Variants in TRPM2 observed in about 807,000 individuals in gnomAD.
The protein encoded by TRPM2 is transient receptor potential cation channel subfamily M member 2, also known as estrogen-responsive element-associated gene 1 protein.
In TRPM2, 161 loss-of-function variants were observed where a neutral mutation model predicts 174.0. The ratio of observed to expected loss-of-function variants is 0.93; its 90% CI spans 0.81 to 1.05. The LOEUF (loss-of-function observed/expected upper bound fraction) is 1.05, where lower values mean the gene tolerates loss of function less well. Ranked by LOEUF, TRPM2 falls within the 50% of genes least tolerant of loss-of-function variation. The probability of loss-of-function intolerance (pLI) is 0.00; values close to 1 mark genes in which losing one functional copy is unlikely to be tolerated. For synonymous variants in TRPM2, 954 were observed against 861.3 expected (o/e 1.11, Z -1.88); for missense variants, 2,057 against 2,038.0 (o/e 1.01, Z -0.18).
At chr21:44,419,945 CTGGTGGTGGTGACGATGGTGGATG>C (rs2050491747) in intron 22 of TRPM2, among the ~76,000 whole-genome samples, 1 of 135,656 alleles carries the variant, frequency 7.4e-6, no homozygotes, top group South Asian at 2.4e-4. Context: ...GGTGCTGGTG[CTGGTGGTGGTGACGATGGTGGATG>C]TGGTGGTGGT....
intron 4 of TRPM2, 106 bp from the exon 5 acceptor site, chr21:44,369,071 T>C (rs376871237): frequency 7.3e-6 from 9 of 1,231,162 alleles, no homozygotes; most frequent in East Asian, 2.6e-5. Flanking sequence ...CTCTGCGTTG[T>C]TGGGGGCGGG....
rs930156470 is a variant in TRPM2, at chr21:44,366,854, G to A, written c.524G>A (p.Gly175Glu). Residue 175 changes from glycine (G) to glutamate (E), a missense_variant, in exon 4 of 32, where the codon GGG becomes GAG. Coordinates refer to ENST00000397928, the MANE Select transcript of TRPM2 (RefSeq NM_003307.4). The surrounding 1 kb of genome is among the most constrained non-coding windows in gnomAD (Gnocchi z 6.0). Reference protein sequence around the residue: ...DVPNLLISVTGGAKNFNMKPR... With the variant: ...DVPNLLISVTEGAKNFNMKPR... ...CCCAATCTCTTGATCTCGGTGACCG[G>A]GGGGGCCAAGAACTTCAACATGAAG... The A allele has an allele frequency of 5.6e-6, 9 of 1,613,718 alleles. No homozygotes were observed. Among genetic ancestry groups the A allele is most frequent in the Middle Eastern group, 3.3e-4 (2 of 6,054 alleles).
At chr21:44,425,851 C>T (rs1289232869) in intron 25 of TRPM2, 24 bp downstream of exon 25, 1 of 1,535,244 alleles carries the variant, frequency 6.5e-7, no homozygotes, top group Non-Finnish European at 8.8e-7. Context: ...CAAGCCCAAC[C>T]AGGCGGAGTG....
chr21:44,380,784 A>G (rs1602174125), intron 8 of TRPM2, among the ~76,000 whole-genome samples: 3 of 152,272 alleles, frequency 2.0e-5, no homozygotes, highest in African/African-American at 7.2e-5. Flanking sequence ...TGTGGCCAGG[A>G]AGAAGTTGCC....
chr21:44,437,689 C>G (rs1307910728), intron 29 of TRPM2, among the ~76,000 whole-genome samples: 1 of 152,164 alleles, frequency 6.6e-6, no homozygotes, highest in Non-Finnish European at 1.5e-5. Flanking sequence ...GGGGCTGAGG[C>G]TGGAGCGCAC....
intron 27 of TRPM2, among the ~76,000 whole-genome samples, chr21:44,434,257 G>A (rs541811161): frequency 5.3e-5 from 8 of 151,458 alleles, no homozygotes; most frequent in Middle Eastern, 3.5e-3. Flanking sequence ...GGACGGTGGC[G>A]GGGACGCTGG....
chr21:44,403,882 A>G (rs1441494214), intron 16 of TRPM2, among the ~76,000 whole-genome samples: 2 of 151,438 alleles, frequency 1.3e-5, no homozygotes, highest in African/African-American at 2.4e-5. Context: ...ATACATACAC[A>G]TGCACATACA....
At chr21:44,403,663 G>A (rs929240102) in intron 16 of TRPM2, among the ~76,000 whole-genome samples, 1 of 145,538 alleles carries the variant, frequency 6.9e-6, no homozygotes, top group Non-Finnish European at 1.5e-5. Context: ...GCACACACAT[G>A]CATACACACA....
chr21:44,425,699 G>C lies in TRPM2; in HGVS notation c.3667G>C (p.Ala1223Pro), dbSNP rs199712565. The change falls in exon 25 of 32, where the codon GCT (alanine) becomes CCT (proline). Residue 1223 changes from alanine to proline, a missense_variant. Physicochemically the swap from Ala to Pro is conservative, Grantham distance 27. Transcript: ENST00000397928. The part of the protein sequence containing the change: ...ASQKAAEEPD[A>P]EPGGRKKTEE... ...CCAGAAGGCCGCGGAGGAGCCGGAT[G>C]CTGAGCCGGGAGGCAGGAAGAAGAC... The C allele has an allele frequency of 1.3e-6, 2 of 1,555,656 alleles. No homozygotes were observed. Among genetic ancestry groups the C allele is most frequent in the East Asian group, 2.4e-5 (1 of 42,224 alleles).
At position 44,375,824 on chromosome 21, in the gene TRPM2, C is replaced by A; in HGVS notation, c.772-9C>A. ...AGAAGCAGTGTCTGACGCTTCCTGGCCATCCCAGGGCAGCTTCCCCGCCGA... is the reference window on the plus strand; with the variant it reads ...AGAAGCAGTGTCTGACGCTTCCTGGACATCCCAGGGCAGCTTCCCCGCCGA... On this transcript the variant is annotated splice_polypyrimidine_tract_variant and intron_variant, in intron 5 of 31. Coordinates refer to ENST00000397928, the MANE Select transcript of TRPM2 (RefSeq NM_003307.4). 1.9e-6 allele frequency: 3 copies of A among 1,605,656 alleles called. No homozygotes were observed. Among genetic ancestry groups the A allele is most frequent in the Non-Finnish European group, 2.6e-6 (3 of 1,173,732 alleles).
intron 16 of TRPM2, among the ~76,000 whole-genome samples, chr21:44,404,167 A>G (rs1462203118): frequency 2.0e-5 from 3 of 152,084 alleles, no homozygotes; most frequent in Non-Finnish European, 4.4e-5. Context: ...ATACACATAT[A>G]TACACATGCA....
At chr21:44,406,436 G>C (rs2049878717) in intron 18 of TRPM2, among the ~76,000 whole-genome samples, 158 bp from the exon 19 acceptor site, 1 of 152,126 alleles carries the variant, frequency 6.6e-6, no homozygotes, top group Admixed American at 6.6e-5. Flanking sequence ...AGTCCACGAG[G>C]GTGTGGGGGC....
Position 44,425,793 on chromosome 21 carries a change from G to T in TRPM2, c.3761G>T (p.Arg1254Leu), listed in dbSNP as rs1257165071. 3 of 1,582,186 alleles carry T rather than the reference G, an allele frequency of 1.9e-6. No individual in the cohort carries two copies. The highest frequency in any genetic ancestry group is 1.7e-6 in the Non-Finnish European group (2 of 1,156,952). ...HLLYPNCPVT[R>L]FPVPNEKVPW... The stretch of plus-strand genomic sequence containing the variant: ...CTCTACCCCAACTGCCCTGTCACGC[G>T]CTTCCCCGTGCCCAACGAGAAGGTG... The change falls in exon 25 of 32, where the codon CGC becomes CTC. Residue 1254 changes from arginine to leucine, a missense_variant. Arg to Leu is a moderately radical substitution (Grantham distance 102). Coordinates refer to ENST00000397928, the MANE Select transcript of TRPM2 (RefSeq NM_003307.4).
At position 44,376,094 on chromosome 21, in the gene TRPM2, C is replaced by A; in HGVS notation, c.952+81C>A. ...AGTGTCAGGTACAGCTGGTCACGAC[C>A]AGGACGTTCAACAGGCCTGGCGTTT... is the stretch of plus-strand genomic sequence containing the variant. On this transcript the variant is annotated intron_variant, in intron 6 of 31. Transcript: ENST00000397928. This position sits in a 1 kb window ranked among gnomAD's most constrained non-coding sequence, Gnocchi z 4.2. 1 of 1,512,198 alleles carries A rather than the reference C, an allele frequency of 6.6e-7. No individual in the cohort carries two copies. Among genetic ancestry groups the A allele is most frequent in the South Asian group, 1.3e-5 (1 of 79,940 alleles). 93.7% of individuals were successfully genotyped at this position (1,512,198 alleles called of 1,614,324 possible).
Position 44,442,208 on chromosome 21 carries a change from G to A in TRPM2, c.*391G>A, listed in dbSNP as rs9975654. ...CTGAGGCAAGTTCCCCGGAGAGTCG[G>A]GGTCCCCTGTGGCCCCCTCAGGCCT... On this transcript the variant is annotated 3_prime_UTR_variant, in exon 32 of 32. Transcript: ENST00000397928. 1.7e-3 allele frequency: 308 copies of A among 177,578 alleles called. 1 individual carries two copies. The highest frequency in any genetic ancestry group is 6.9e-3 in the African/African-American group (293 of 42,510). The allele number at this position is 177,578 out of a possible 1,614,324, so 11.0% of individuals were successfully genotyped here. A position where few individuals can be genotyped will look rare whatever the true frequency, so the allele number is the denominator to read the frequency against.
chr21:44,350,832 C>A (rs955470952), upstream of TRPM2, among the ~76,000 whole-genome samples: 1 of 143,458 alleles, frequency 7.0e-6, no homozygotes, highest in Admixed American at 6.7e-5. Context: ...CGACCCTGTC[C>A]GGCTGGCGCG....
chr21:44,399,234 C>A lies in TRPM2; in HGVS notation c.2063-62C>A. 1 of 1,562,152 alleles carries A rather than the reference C, an allele frequency of 6.4e-7. No homozygotes were observed. ...TGTCCCGAGTGGTTGCCCTCTGACC[C>A]GTCCCCAGGGCTCAGTGATTGTGAC... On this transcript the variant is annotated intron_variant, in intron 13 of 31. Coordinates refer to ENST00000397928, the MANE Select transcript of TRPM2 (RefSeq NM_003307.4). This position sits in a 1 kb window ranked among gnomAD's most constrained non-coding sequence, Gnocchi z 4.6.
At chr21:44,370,448 A>G (rs1285591248) in intron 5 of TRPM2, among the ~76,000 whole-genome samples, 1 of 152,176 alleles carries the variant, frequency 6.6e-6, no homozygotes, top group Non-Finnish European at 1.5e-5. Context: ...GGGACAGATA[A>G]TGAGTCATTC....
intron 26 of TRPM2, 76 bp from the exon 27 acceptor site, chr21:44,426,934 G>A: frequency 6.9e-7 from 1 of 1,457,588 alleles, no homozygotes; most frequent in African/African-American, 1.4e-5. Context: ...CTTGGTGGGG[G>A]GGTGATCCCT....
Sources: gnomAD v4.1 joint callset for allele counts (sites outside exome capture counted in the v4.1 genomes callset) on GRCh38, gnomAD v4.1.1 for gene constraint, Gnocchi (gnomAD v3.1) non-coding constraint, MANE v1.5 for transcripts, NCBI Gene and HGNC (gene_info 2026-07-23, HGNC 2026-07-21) for gene names.